The following COG2 variants were observed in gnomAD, a reference collection of about 807,000 sequenced individuals.
COG2 encodes the protein component of oligomeric golgi complex 2.
Under a neutral mutation model 90.6 loss-of-function variants are expected in COG2, and 52 were observed. The observed-to-expected ratio is 0.57, with a 90% CI of 0.46 to 0.72. The LOEUF (loss-of-function observed/expected upper bound fraction) is 0.72. Among genes scored for constraint, COG2 ranks in the 30% least tolerant of loss-of-function variants. The probability of loss-of-function intolerance (pLI) is 0.00; values close to 1 mark genes in which losing one functional copy is unlikely to be tolerated. For synonymous variants in COG2, 337 were observed against 320.4 expected (o/e 1.05, Z -0.55); for missense variants, 829 against 891.2 (o/e 0.93, Z 0.89).
chr1:230,665,983 A>G (rs1662310280), intron 5 of COG2, among the ~76,000 whole-genome samples: 1 of 151,906 alleles, frequency 6.6e-6, no homozygotes, highest in Admixed American at 6.6e-5. Context: ...TGTTCTTGGG[A>G]CTGTGCTCTT....
At chr1:230,649,427 A>G (rs558690328) in intron 1 of COG2, among the ~76,000 whole-genome samples, 10 of 152,222 alleles carry the variant, frequency 6.6e-5, no homozygotes, top group African/African-American at 2.2e-4. Context: ...AGTCTTTCCC[A>G]TGGCTGTTGC....
chr1:230,671,750 A>T (rs1662455380), intron 8 of COG2, 110 bp downstream of exon 8: 3 of 952,814 alleles, frequency 3.1e-6, no homozygotes, highest in Admixed American at 5.0e-5. Flanking sequence ...TCTTGTATGA[A>T]TCCATTATGA....
Position 230,683,721 on chromosome 1 carries a change from C to A in COG2, c.1228+86C>A, listed in dbSNP as rs1275854075. ...GTCATCTGGATTGCAGTATTCTGAG[C>A]GTACTTTTACTGTTTTTTTTTTTTA... On this transcript the variant is annotated intron_variant, in intron 11 of 17. Coordinates refer to ENST00000366669, the MANE Select transcript of COG2 (RefSeq NM_007357.3). 10 of 786,722 alleles carry A rather than the reference C, an allele frequency of 1.3e-5. No homozygotes were observed. The South Asian group carries it at 1.4e-4, about 11-fold the overall frequency. The allele number at this position is 786,722 out of a possible 1,614,324, so 48.7% of individuals were successfully genotyped here. A position where few individuals can be genotyped will look rare whatever the true frequency, so the allele number is the denominator to read the frequency against.
intron 10 of COG2, chr1:230,681,407 T>C (rs942850805): frequency 2.6e-5 from 4 of 152,224 alleles, no homozygotes; most frequent in Admixed American, 6.5e-5. Flanking sequence ...AAGGTGCAAG[T>C]AGCCCTTTCC....
rs1662918725 is a variant in COG2 at position 230,687,856 on chromosome 1, A to G, written c.1579-215A>G. On this transcript the variant is annotated intron_variant, in intron 13 of 17. Coordinates refer to ENST00000366669, the MANE Select transcript of COG2 (RefSeq NM_007357.3). ...TTTTGCTTATTCTCTGTGCCTGTTAATAGCCATTAAACCATGTGATTTCTC... is the reference window on the plus strand; with the variant it reads ...TTTTGCTTATTCTCTGTGCCTGTTAGTAGCCATTAAACCATGTGATTTCTC... The G allele has an allele frequency of 8.1e-6, 4 of 495,506 alleles. No homozygotes were observed. The East Asian group carries it at 1.1e-4, about 14-fold the overall frequency. The allele number at this position is 495,506 out of a possible 1,614,324, so 30.7% of individuals were successfully genotyped here. A position where few individuals can be genotyped will look rare whatever the true frequency, so the allele number is the denominator to read the frequency against.
chr1:230,681,402 G>A (rs867776357), intron 10 of COG2: 20 of 152,146 alleles, frequency 1.3e-4, no homozygotes, highest in African/African-American at 4.6e-4. Context: ...GTATTAAGGT[G>A]CAAGTAGCCC....
At chr1:230,692,934 A>G in intron 17 of COG2, among the ~76,000 whole-genome samples, 1 of 152,024 alleles carries the variant, frequency 6.6e-6, no homozygotes, top group East Asian at 1.9e-4. Flanking sequence ...AGAAACTAAG[A>G]GCACAGACCA....
chr1:230,684,697 A>G (rs1662843693), intron 11 of COG2, among the ~76,000 whole-genome samples: 1 of 152,234 alleles, frequency 6.6e-6, no homozygotes, highest in Non-Finnish European at 1.5e-5. Context: ...AAGTATGTTG[A>G]GATAGAGGAA....
chr1:230,653,689 T>C (rs1661973389), intron 1 of COG2, among the ~76,000 whole-genome samples: 1 of 152,142 alleles, frequency 6.6e-6, no homozygotes, highest in Non-Finnish European at 1.5e-5. Flanking sequence ...ATTTATAAAC[T>C]GTAGAAGTTT....
intron 12 of COG2, 68 bp downstream of exon 12, chr1:230,685,304 T>C: frequency 6.5e-7 from 1 of 1,535,852 alleles, no homozygotes; most frequent in South Asian, 1.2e-5. Flanking sequence ...TTAGGCTAAC[T>C]CCCTAAGATT....
rs1426261459 is a variant in COG2, at chr1:230,659,549, A to G, written c.158A>G (p.Tyr53Cys). Residue 53 changes from tyrosine (Y) to cysteine (C), a missense_variant, in exon 2 of 18, where the codon TAT becomes TGT. Tyr to Cys is a radical substitution (Grantham distance 194, BLOSUM62 -2). Transcript: ENST00000366669. ...EELRDDLELY[Y>C]KLLKTAMVEL... The stretch of plus-strand genomic sequence containing the variant: ...CTGAGAGATGACCTGGAGCTCTACT[A>G]TAAACTTCTTAAAACAGCCATGGTC... The G allele has an allele frequency of 6.8e-6, 11 of 1,613,984 alleles. No individual in the cohort carries two copies. The highest frequency in any genetic ancestry group is 1.7e-5 in the Admixed American group (1 of 60,008).
intron 9 of COG2, chr1:230,678,062 A>G: frequency 1.0e-6 from 1 of 985,430 alleles, no homozygotes; most frequent in Non-Finnish European, 1.2e-6. Context: ...AGACTTTAGC[A>G]TATTTAGATT....
chr1:230,691,730 G>C (rs1663035143), intron 17 of COG2, 166 bp downstream of exon 17: 1 of 615,536 alleles, frequency 1.6e-6, no homozygotes, highest in South Asian at 2.1e-5. Flanking sequence ...TTTGCCCCTA[G>C]GCAGTATGAG....
intron 1 of COG2, among the ~76,000 whole-genome samples, chr1:230,651,889 AGAATT>A (rs2102743535): frequency 1.3e-5 from 2 of 152,332 alleles, no homozygotes; most frequent in East Asian, 3.9e-4. Context: ...GTTTTATAGA[AGAATT>A]GAGCAGAAAG....
chr1:230,660,307 T>C (rs186964323), intron 2 of COG2, among the ~76,000 whole-genome samples: 38 of 152,324 alleles, frequency 2.5e-4, no homozygotes, highest in African/African-American at 7.7e-4. Context: ...TGTAGTAGGA[T>C]TAGAAACCTA....
intron 11 of COG2, chr1:230,684,251 T>C (rs1662830293): frequency 6.6e-6 from 1 of 152,402 alleles, no homozygotes; most frequent in African/African-American, 2.4e-5. Flanking sequence ...GGTGTGCTTA[T>C]GTGAACAGCT....
rs529458601 is a variant in COG2, at chr1:230,668,274, G to A, written c.486-402G>A. Among the ~76,000 whole-genome samples, 3 of 152,042 alleles carry A rather than the reference G, an allele frequency of 2.0e-5. No homozygotes were observed. In the East Asian group the frequency reaches 5.8e-4, roughly 30 times the overall value. ...GGAGGGAGAAGGGGAAAGGGGAGAG[G>A]GGGAAGAGGGAAATAGAAGGGAGGT... On this transcript the variant is annotated intron_variant, in intron 5 of 17. Coordinates refer to ENST00000366669, the MANE Select transcript of COG2 (RefSeq NM_007357.3).
At chr1:230,681,883 C>T (rs1662757326) in intron 10 of COG2, 2 of 152,264 alleles carry the variant, frequency 1.3e-5, no homozygotes, top group Non-Finnish European at 2.9e-5. Context: ...TCATGTATCA[C>T]TGTCCCTGCT....
chr1:230,655,326 A>T (rs1662022879), intron 1 of COG2, among the ~76,000 whole-genome samples: 3 of 152,156 alleles, frequency 2.0e-5, no homozygotes, highest in Non-Finnish European at 2.9e-5. Flanking sequence ...GAATTTTGAC[A>T]AAGGCCTTTT....
Sources: gnomAD v4.1 joint callset for allele counts (sites outside exome capture counted in the v4.1 genomes callset) on GRCh38, gnomAD v4.1.1 for gene constraint, MANE v1.5 for transcripts, NCBI Gene and HGNC (gene_info 2026-07-23, HGNC 2026-07-21) for gene names.